The following CHST15 variants were observed in gnomAD, a reference collection of about 807,000 sequenced individuals.
CHST15 encodes carbohydrate sulfotransferase 15, also known as B cell RAG associated protein (GALNAC4S-6ST).
A neutral mutation model predicts 53.6 loss-of-function variants in CHST15; 30 were observed. The observed-to-expected ratio is 0.56, with a 90% CI of 0.42 to 0.76. The LOEUF (loss-of-function observed/expected upper bound fraction) is 0.76, where lower values mean the gene tolerates loss of function less well. Ranked by LOEUF, CHST15 falls within the 30% of genes least tolerant of loss-of-function variation. CHST15 has a pLI of 0.00. For synonymous variants in CHST15, 296 were observed against 289.8 expected (o/e 1.02, Z -0.22); for missense variants, 627 against 740.5 (o/e 0.85, Z 1.78).
At chr10:124,051,277 C>T (rs1948185061) in intron 1 of CHST15, among the ~76,000 whole-genome samples, 2 of 152,094 alleles carry the variant, frequency 1.3e-5, no homozygotes, top group Non-Finnish European at 2.9e-5. Flanking sequence ...AGTAAATATA[C>T]ATAGTAAAAT....
At chr10:124,046,828 A>C (rs947938960) in intron 1 of CHST15, 104 bp from the exon 2 acceptor site, 2 of 152,178 alleles carry the variant, frequency 1.3e-5, no homozygotes, top group Non-Finnish European at 2.9e-5. Flanking sequence ...TTCCACCTCT[A>C]AGTCCAGCCA....
rs1277630642 is a variant in CHST15 at position 124,074,123 on chromosome 10, C to T, written c.-513+19346G>A. Among the ~76,000 whole-genome samples the T allele has an allele frequency of 6.6e-6, 1 of 152,202 alleles. No individual in the cohort carries two copies. Among genetic ancestry groups the T allele is most frequent in the African/African-American group, 2.4e-5 (1 of 41,452 alleles). On this transcript the variant is annotated intron_variant, in intron 1 of 7. Coordinates refer to ENST00000435907, the MANE Select transcript of CHST15 (RefSeq NM_001270764.2). This position sits in a 1 kb window ranked among gnomAD's most constrained non-coding sequence, Gnocchi z 4.4. ...TCAGGACAGAAGTGGGTGTGATTAG[C>T]GCAAGCTCAAGTCACGCCTGCTGCA...
Position 124,009,451 on chromosome 10 carries a change from A to G in CHST15, c.*698T>C. On this transcript the variant is annotated 3_prime_UTR_variant, in exon 8 of 8. Transcript: ENST00000435907. ...GGTCAGAAAGATGAAGGTGCTGCCA[A>G]AAACTGACTTATTTTTTTCCTTTTG... 1.0e-6 allele frequency: 1 copy of G among 988,938 alleles called. No individual in the cohort carries two copies. The highest frequency in any genetic ancestry group is 1.2e-6 in the Non-Finnish European group (1 of 832,036). 61.3% of individuals were successfully genotyped at this position (988,938 alleles called of 1,614,324 possible). A position where few individuals can be genotyped will look rare whatever the true frequency, so the allele number is the denominator to read the frequency against.
intron 1 of CHST15, among the ~76,000 whole-genome samples, chr10:124,061,782 T>C (rs1948582717): frequency 6.6e-6 from 1 of 152,168 alleles, no homozygotes; most frequent in South Asian, 2.1e-4. Flanking sequence ...TCTCTGAGCC[T>C]CAGTTTCTTT....
chr10:124,067,058 A>G (rs1948772356), intron 1 of CHST15, among the ~76,000 whole-genome samples: 1 of 152,242 alleles, frequency 6.6e-6, no homozygotes, highest in Non-Finnish European at 1.5e-5. Flanking sequence ...ATGCAGCCCC[A>G]TCTGAGTGAC....
In CHST15 at chr10:124,009,805, G is replaced by C. The variant is rs546121988; in HGVS notation, c.*344C>G. 2.8e-6 allele frequency: 3 copies of C among 1,079,428 alleles called. No individual in the cohort carries two copies. Among genetic ancestry groups the C allele is most frequent in the Non-Finnish European group, 2.3e-6 (2 of 887,642 alleles). The allele number at this position is 1,079,428 out of a possible 1,614,324, so 66.9% of individuals were successfully genotyped here. ...AGAACCCAGAGGCTCTCCAGAAGGC[G>C]GAGGCGGGCAGGGCCAGGCTGCCTT... On this transcript the variant is annotated 3_prime_UTR_variant, in exon 8 of 8. Coordinates refer to ENST00000435907, the MANE Select transcript of CHST15 (RefSeq NM_001270764.2).
intron 1 of CHST15, among the ~76,000 whole-genome samples, chr10:124,076,867 G>A (rs1043155813): frequency 1.3e-5 from 2 of 151,980 alleles, no homozygotes; most frequent in African/African-American, 2.4e-5. Context: ...CTGCCACCAC[G>A]CCCGGCTACT....
At chr10:124,016,101 G>A (rs141801588) in intron 6 of CHST15, among the ~76,000 whole-genome samples, 2 of 152,154 alleles carry the variant, frequency 1.3e-5, no homozygotes, top group East Asian at 1.9e-4. Context: ...CAGGCTTCTC[G>A]GGACCCTGCT....
intron 3 of CHST15, among the ~76,000 whole-genome samples, chr10:124,043,577 A>G (rs1025385074): frequency 2.6e-5 from 4 of 152,238 alleles, no homozygotes; most frequent in Non-Finnish European, 5.9e-5. Context: ...ATAGGCACGT[A>G]TCACCCCTCA....
intron 1 of CHST15, among the ~76,000 whole-genome samples, chr10:124,061,543 C>A (rs1948573978): frequency 6.6e-6 from 1 of 152,184 alleles, no homozygotes; most frequent in African/African-American, 2.4e-5. Context: ...CTAATACACT[C>A]CCCACACAGT....
chr10:124,008,395 T>TG lies in CHST15; in HGVS notation c.*1753dup. ...ACTGCAAATAAATATACACACACAC[T>TG]GAAGTGATCTCTCCCTAAAGCATCC... On this transcript the variant is annotated 3_prime_UTR_variant, in exon 8 of 8. Coordinates refer to ENST00000435907, the MANE Select transcript of CHST15 (RefSeq NM_001270764.2). 6.0e-6 allele frequency: 6 copies of TG among 1,000,716 alleles called. No homozygotes were observed. The South Asian group carries it at 2.8e-4, about 46-fold the overall frequency. The allele number at this position is 1,000,716 out of a possible 1,614,324, so 62.0% of individuals were successfully genotyped here.
chr10:124,015,840 T>C (rs1054901018), intron 6 of CHST15, among the ~76,000 whole-genome samples: 2 of 151,836 alleles, frequency 1.3e-5, no homozygotes, highest in African/African-American at 2.4e-5. Flanking sequence ...AAGGAGTGGG[T>C]GGAGAGAGAA....
chr10:124,021,227 C>CG (rs1288015500), intron 6 of CHST15, 29 bp downstream of exon 6: 82 of 255,486 alleles, frequency 3.2e-4, no homozygotes, highest in East Asian at 6.8e-4. Context: ...GGGGCCAGCT[C>CG]GGGGGGTACG....
rs1341529044 is a variant in CHST15, at chr10:124,074,091, G to A, written c.-513+19378C>T. Among the ~76,000 whole-genome samples the A allele has an allele frequency of 6.6e-6, 1 of 152,192 alleles. No homozygotes were observed. Among genetic ancestry groups the A allele is most frequent in the Non-Finnish European group, 1.5e-5 (1 of 68,042 alleles). On this transcript the variant is annotated intron_variant, in intron 1 of 7. Transcript: ENST00000435907. The surrounding 1 kb of genome is among the most constrained non-coding windows in gnomAD (Gnocchi z 4.4). ...GTCTTTTTAGCCTCTTTCCATAGAA[G>A]ACTTTCTCAGGACAGAAGTGGGTGT...
intron 1 of CHST15, among the ~76,000 whole-genome samples, chr10:124,077,276 T>G (rs1464615933): frequency 1.3e-5 from 2 of 152,176 alleles, no homozygotes; most frequent in African/African-American, 4.8e-5. Flanking sequence ...AATCTTACAT[T>G]CTATACCAGG....
rs1946348677 is a variant in CHST15 at position 124,009,313 on chromosome 10, A to G, written c.*836T>C. 1 of 1,087,866 alleles carries G rather than the reference A, an allele frequency of 9.2e-7. No individual in the cohort carries two copies. The highest frequency in any genetic ancestry group is 4.6e-5 in the Admixed American group (1 of 21,570). The allele number at this position is 1,087,866 out of a possible 1,614,324, so 67.4% of individuals were successfully genotyped here. A position where few individuals can be genotyped will look rare whatever the true frequency, so the allele number is the denominator to read the frequency against. On this transcript the variant is annotated 3_prime_UTR_variant, in exon 8 of 8. Coordinates refer to ENST00000435907, the MANE Select transcript of CHST15 (RefSeq NM_001270764.2). The stretch of plus-strand genomic sequence containing the variant: ...TAAACTGAAGTTCTTGAGAAAACGT[A>G]TGAAGAGGCAGCAGAGAGAGAGCCA...
At chr10:124,081,855 T>C (rs529099534) in intron 1 of CHST15, among the ~76,000 whole-genome samples, 1 of 152,312 alleles carries the variant, frequency 6.6e-6, no homozygotes, top group South Asian at 2.1e-4. Context: ...AAAAAACAAC[T>C]TCCTAATGTA....
rs78872479 is a variant in CHST15, at chr10:124,054,445, A to G, written c.-512-7721T>C. 5.4e-3 allele frequency among the ~76,000 whole-genome samples: 816 copies of G among 152,360 alleles called. 10 individuals carry two copies. The highest frequency in any genetic ancestry group is 0.019 in the African/African-American group (783 of 41,578). ...AACGTACATTCAATGCTATTGTTTTAGTCCATAAGCCATATCCATAATAAA... is the reference window on the plus strand; with the variant it reads ...AACGTACATTCAATGCTATTGTTTTGGTCCATAAGCCATATCCATAATAAA... On this transcript the variant is annotated intron_variant, in intron 1 of 7. Coordinates refer to ENST00000435907, the MANE Select transcript of CHST15 (RefSeq NM_001270764.2).
At chr10:124,038,376 G>A in intron 5 of CHST15, 139 bp downstream of exon 5, 3 of 926,288 alleles carry the variant, frequency 3.2e-6, no homozygotes, top group Non-Finnish European at 3.2e-6. Flanking sequence ...AAAGTGCTGG[G>A]ATTACAGGCA....
Sources: allele counts gnomAD v4.1 joint callset (sites outside exome capture counted in the v4.1 genomes callset), GRCh38; gene constraint gnomAD v4.1.1; non-coding constraint Gnocchi (gnomAD v3.1); transcripts MANE v1.5; gene names NCBI Gene and HGNC (gene_info 2026-07-23, HGNC 2026-07-21).